FHIT: variants seen among roughly 807,000 people sequenced by gnomAD.
FHIT encodes the protein bis(5'-adenosyl)-triphosphatase.
A neutral mutation model predicts 17.9 loss-of-function variants in FHIT; 19 were observed. That is an observed-to-expected ratio of 1.06 (90% CI 0.74 to 1.56). FHIT has a LOEUF of 1.56. FHIT is among the 40% of genes most tolerant of loss of function. The pLI is 0.00. For synonymous variants in FHIT, 81 were observed against 69.7 expected, an observed-to-expected ratio of 1.16 and a Z score of -0.81; for missense variants, 248 against 189.2, an observed-to-expected ratio of 1.31 and a Z score of -1.82.
At chr3:60,461,906 G>GC (rs1029175982) in intron 5 of FHIT, among the ~76,000 whole-genome samples, 37 of 152,178 alleles carry the variant, frequency 2.4e-4, no homozygotes, top group African/African-American at 7.7e-4. Context: ...GGGAACCCCC[G>GC]CCCCCCTTTA....
chr3:61,036,908 TTTTTTGTTTGTTTG>T lies in FHIT; in HGVS notation c.-111+5125_-111+5138del, dbSNP rs1459033797. ...CAAAGATCAGTCTGCTTTGTTTTTT[TTTTTTGTTTGTTTG>T]TTTTTTTGAGATGGAGTCTCGCTCT... On this transcript the variant is annotated intron_variant, in intron 3 of 9. Coordinates refer to ENST00000492590, the MANE Select transcript of FHIT (RefSeq NM_002012.4). Among the ~76,000 whole-genome samples the T allele has an allele frequency of 4.7e-3, 632 of 134,628 alleles. 32 individuals carry two copies. Among genetic ancestry groups the T allele is most frequent in the African/African-American group, 0.017 (615 of 35,656 alleles). The allele number at this position is 134,628 out of a possible 152,430, so 88.3% of individuals were successfully genotyped here.
chr3:60,575,287 C>A (rs2037528568), intron 4 of FHIT, among the ~76,000 whole-genome samples: 1 of 152,166 alleles, frequency 6.6e-6, no homozygotes, highest in Non-Finnish European at 1.5e-5. Flanking sequence ...GAAGGGATGT[C>A]TAGTTCCAAA....
intron 5 of FHIT, among the ~76,000 whole-genome samples, chr3:60,247,722 T>C (rs1705473825): frequency 6.6e-6 from 1 of 152,240 alleles, no homozygotes; most frequent in Admixed American, 6.5e-5. Context: ...AGCTTGCCAC[T>C]TGCTTGATTT....
intron 5 of FHIT, among the ~76,000 whole-genome samples, chr3:60,336,502 T>A (rs557502611): frequency 2.6e-5 from 4 of 152,346 alleles, no homozygotes; most frequent in Admixed American, 2.6e-4. Flanking sequence ...AGTTCCCTTA[T>A]AAATTTCAAG....
intron 2 of FHIT, among the ~76,000 whole-genome samples, chr3:61,114,105 T>C (rs1177683484): frequency 2.6e-5 from 4 of 152,162 alleles, no homozygotes; most frequent in Non-Finnish European, 5.9e-5. Flanking sequence ...AGGAGTACAA[T>C]GAAATCATGC....
At chr3:60,730,194 C>A in intron 4 of FHIT, 1 of 364,322 alleles carries the variant, frequency 2.7e-6, no homozygotes. Context: ...GTATCCTCTC[C>A]CAGATTTTCG....
At chr3:60,571,335 CAAAAAAAAAAAAAAA>C (rs56094072) in intron 4 of FHIT, among the ~76,000 whole-genome samples, 1 of 54,676 alleles carries the variant, frequency 1.8e-5, no homozygotes, top group Non-Finnish European at 3.2e-5. Flanking sequence ...GACTCCATCG[CAAAAAAAAAAAAAAA>C]AAAAAAAAAA....
intron 3 of FHIT, among the ~76,000 whole-genome samples, chr3:60,956,176 C>T (rs1709146974): frequency 6.6e-6 from 1 of 152,112 alleles, no homozygotes; most frequent in South Asian, 2.1e-4. Context: ...AGTTACATTT[C>T]CCTACTGAAA....
chr3:61,192,943 C>T (rs1452141972), intron 2 of FHIT, among the ~76,000 whole-genome samples: 1 of 152,180 alleles, frequency 6.6e-6, no homozygotes, highest in Non-Finnish European at 1.5e-5. Context: ...TCTTTGTTAT[C>T]CCTCCTGTGT....
At chr3:60,335,207 AAT>A (rs1166625405) in intron 5 of FHIT, among the ~76,000 whole-genome samples, 1 of 152,232 alleles carries the variant, frequency 6.6e-6, no homozygotes, top group African/African-American at 2.4e-5. Flanking sequence ...CTTGTGTTTA[AAT>A]AGAGGGAAGA....
At chr3:60,187,775 G>T (rs751666045) in intron 5 of FHIT, among the ~76,000 whole-genome samples, 1 of 152,122 alleles carries the variant, frequency 6.6e-6, no homozygotes, top group Admixed American at 6.5e-5. Context: ...AGAGAATTGT[G>T]CTCCTAATTT....
At chr3:59,976,516 A>G (rs1185433667) in intron 7 of FHIT, among the ~76,000 whole-genome samples, 1 of 151,966 alleles carries the variant, frequency 6.6e-6, no homozygotes, top group Non-Finnish European at 1.5e-5. Flanking sequence ...CCCACCACCT[A>G]TGTCATGGAG....
intron 3 of FHIT, among the ~76,000 whole-genome samples, chr3:60,880,389 G>C (rs1553757661): frequency 6.6e-6 from 1 of 152,134 alleles, no homozygotes; most frequent in Non-Finnish European, 1.5e-5. Flanking sequence ...TCCTGCATCT[G>C]GAAGCAAAAA....
At chr3:60,641,590 TG>T (rs1462958220) in intron 4 of FHIT, among the ~76,000 whole-genome samples, 1 of 152,164 alleles carries the variant, frequency 6.6e-6, no homozygotes, top group Non-Finnish European at 1.5e-5. Flanking sequence ...AGATATATGA[TG>T]ACAAACAGTG....
rs1236811083 is a variant in FHIT at position 60,381,609 on chromosome 3, T to A, written c.103+155251A>T. Among the ~76,000 whole-genome samples the A allele has an allele frequency of 3.9e-5, 6 of 152,346 alleles. No individual in the cohort carries two copies. The East Asian group carries it at 1.2e-3, about 29-fold the overall frequency. Reference sequence around the variant, plus strand: ...AGGAAAGAGAACATATTTAAAAGTATATATCTGCATTGACTGCCAATCTCT... The same window carrying A: ...AGGAAAGAGAACATATTTAAAAGTAAATATCTGCATTGACTGCCAATCTCT... On this transcript the variant is annotated intron_variant, in intron 5 of 9. Transcript: ENST00000492590.
At chr3:59,970,737 G>A (rs189327506) in intron 7 of FHIT, among the ~76,000 whole-genome samples, 10 of 151,936 alleles carry the variant, frequency 6.6e-5, no homozygotes, top group South Asian at 2.1e-4. Context: ...GTTGTTCTCC[G>A]GGACTCCTAA....
chr3:60,293,859 A>G (rs1708092425), intron 5 of FHIT, among the ~76,000 whole-genome samples: 1 of 152,180 alleles, frequency 6.6e-6, no homozygotes, highest in Non-Finnish European at 1.5e-5. Context: ...TCCTATTTTG[A>G]GCTAGGATGC....
intron 5 of FHIT, among the ~76,000 whole-genome samples, chr3:60,350,261 T>C (rs1711020320): frequency 6.6e-6 from 1 of 151,992 alleles, no homozygotes; most frequent in African/African-American, 2.4e-5. Context: ...CAGGGAAAAC[T>C]TGGTAATAGT....
At chr3:60,320,260 ACT>A (rs1481688516) in intron 5 of FHIT, among the ~76,000 whole-genome samples, 2 of 152,172 alleles carry the variant, frequency 1.3e-5, no homozygotes, top group Non-Finnish European at 2.9e-5. Context: ...ACAAAAGCAT[ACT>A]CTCTGAAGGA....
Sources: allele counts gnomAD v4.1 joint callset (sites outside exome capture counted in the v4.1 genomes callset), GRCh38; gene constraint gnomAD v4.1.1; transcripts MANE v1.5; gene names NCBI Gene and HGNC (gene_info 2026-07-23, HGNC 2026-07-21).